Variants in ADGRB3 observed in about 807,000 individuals in gnomAD.
ADGRB3 encodes adhesion G protein-coupled receptor B3.
Under a neutral mutation model 193.4 loss-of-function variants are expected in ADGRB3, and 37 were observed. The ratio of observed to expected loss-of-function variants is 0.19; its 90% CI spans 0.15 to 0.25. ADGRB3 has a LOEUF of 0.25. Among genes scored for constraint, ADGRB3 ranks in the 10% least tolerant of loss-of-function variants. The pLI, the probability that ADGRB3 is intolerant of heterozygous loss-of-function variation, is 1.00. For missense variants in ADGRB3, 1,637 were observed against 1,852.9 expected (o/e 0.88, Z 2.14); for synonymous variants, 690 against 644.2 (o/e 1.07, Z -1.08).
At chr6:68,696,142 C>A (rs1765153706) in intron 3 of ADGRB3, among the ~76,000 whole-genome samples, 1 of 151,890 alleles carries the variant, frequency 6.6e-6, no homozygotes, top group Non-Finnish European at 1.5e-5. Flanking sequence ...CTTTTGTGAT[C>A]CGAATTAGCC....
At position 69,054,036 on chromosome 6, in the gene ADGRB3, T is replaced by G. The variant is rs185213724; in HGVS notation, c.2333+4690T>G. The stretch of plus-strand genomic sequence containing the variant: ...CGTTATCCTGTTAAGACATGAAAAA[T>G]GTAGTCCCTTAAAAAATGCATCTTA... On this transcript the variant is annotated intron_variant, in intron 15 of 31. Coordinates refer to ENST00000370598, the MANE Select transcript of ADGRB3 (RefSeq NM_001704.3). Among the ~76,000 whole-genome samples the G allele has an allele frequency of 3.1e-3, 468 of 152,182 alleles. 4 individuals are homozygous for G. The highest frequency in any genetic ancestry group is 0.011 in the African/African-American group (444 of 41,540).
At chr6:68,782,151 G>A (rs1289920816) in intron 3 of ADGRB3, among the ~76,000 whole-genome samples, 11 of 123,082 alleles carry the variant, frequency 8.9e-5, no homozygotes, top group African/African-American at 2.9e-4. Context: ...TCCCTGGTGT[G>A]TGATGTTCCC....
chr6:69,066,409 A>G (rs999151497), intron 16 of ADGRB3, among the ~76,000 whole-genome samples: 1 of 151,948 alleles, frequency 6.6e-6, no homozygotes, highest in African/African-American at 2.4e-5. Flanking sequence ...TAATAGTTAC[A>G]GTGAGTTATA....
At chr6:69,116,065 G>A (rs1347370059) in intron 17 of ADGRB3, among the ~76,000 whole-genome samples, 2 of 152,136 alleles carry the variant, frequency 1.3e-5, no homozygotes, top group Non-Finnish European at 2.9e-5. Flanking sequence ...AAATTTTTAG[G>A]GAAGACCAGC....
intron 17 of ADGRB3, among the ~76,000 whole-genome samples, chr6:69,224,369 A>G (rs1765962366): frequency 6.6e-6 from 1 of 152,142 alleles, no homozygotes; most frequent in Non-Finnish European, 1.5e-5. Context: ...TTTTAGTTAA[A>G]TAATTCTGCT....
At chr6:69,387,348 T>C (rs149003654) in intron 31 of ADGRB3, among the ~76,000 whole-genome samples, 2 of 152,156 alleles carry the variant, frequency 1.3e-5, no homozygotes, top group African/African-American at 4.8e-5. Flanking sequence ...AAGGCAGAGG[T>C]AGAGCTACAA....
intron 1 of ADGRB3, among the ~76,000 whole-genome samples, chr6:68,636,624 A>G (rs1767965073): frequency 6.6e-6 from 1 of 151,608 alleles, no homozygotes; most frequent in Admixed American, 6.6e-5. Flanking sequence ...ACAAAATAAG[A>G]CTGTGTACTC....
chr6:68,832,054 A>G (rs1767966474), intron 3 of ADGRB3, among the ~76,000 whole-genome samples: 1 of 152,162 alleles, frequency 6.6e-6, no homozygotes, highest in Non-Finnish European at 1.5e-5. Context: ...AGTTTAAATA[A>G]GACTACTTCA....
chr6:68,774,569 C>T (rs906941158), intron 3 of ADGRB3, among the ~76,000 whole-genome samples: 1 of 151,762 alleles, frequency 6.6e-6, no homozygotes, highest in Non-Finnish European at 1.5e-5. Context: ...TACAGGAAAC[C>T]TATTATGGAT....
intron 8 of ADGRB3, among the ~76,000 whole-genome samples, chr6:68,969,248 A>G (rs1171371744): frequency 1.3e-5 from 2 of 152,212 alleles, no homozygotes; most frequent in African/African-American, 2.4e-5. Context: ...CTGAGATATT[A>G]GGAAAGAGTT....
chr6:68,874,186 G>C (rs1582273478), intron 3 of ADGRB3, among the ~76,000 whole-genome samples: 1 of 152,152 alleles, frequency 6.6e-6, no homozygotes, highest in East Asian at 1.9e-4. Context: ...TATGATAAAT[G>C]CTACCATTTA....
intron 26 of ADGRB3, among the ~76,000 whole-genome samples, chr6:69,344,387 TC>T (rs1029586676): frequency 2.0e-5 from 3 of 152,154 alleles, no homozygotes; most frequent in African/African-American, 7.2e-5. Flanking sequence ...TTCTTCCCTC[TC>T]CCACTCGCAC....
At chr6:69,324,566 A>G (rs771259694) in intron 20 of ADGRB3, among the ~76,000 whole-genome samples, 14 of 152,210 alleles carry the variant, frequency 9.2e-5, no homozygotes, top group Non-Finnish European at 1.9e-4. Context: ...TTTCATAATT[A>G]TGTTTTAAAA....
At chr6:69,114,303 A>T (rs1400619300) in intron 17 of ADGRB3, among the ~76,000 whole-genome samples, 2 of 152,082 alleles carry the variant, frequency 1.3e-5, no homozygotes, top group African/African-American at 4.8e-5. Context: ...AAATTATACA[A>T]ATCTTTTGAG....
chr6:68,729,190 G>A (rs527576535), intron 3 of ADGRB3, among the ~76,000 whole-genome samples: 2 of 151,550 alleles, frequency 1.3e-5, no homozygotes, highest in South Asian at 4.1e-4. Context: ...CCCTTCTCTG[G>A]GCTGTGTGCT....
At chr6:69,113,897 T>C (rs1397580753) in intron 17 of ADGRB3, among the ~76,000 whole-genome samples, 2 of 152,192 alleles carry the variant, frequency 1.3e-5, no homozygotes, top group Non-Finnish European at 2.9e-5. Flanking sequence ...TGGCTGAGTT[T>C]ATACAGCATG....
At chr6:69,173,342 C>G (rs1775338930) in intron 17 of ADGRB3, among the ~76,000 whole-genome samples, 1 of 152,182 alleles carries the variant, frequency 6.6e-6, no homozygotes, top group South Asian at 2.1e-4. Flanking sequence ...CCAGCCAGGC[C>G]AGGCAAGTTA....
intron 17 of ADGRB3, among the ~76,000 whole-genome samples, chr6:69,153,907 G>C (rs1485046894): frequency 3.3e-5 from 5 of 152,022 alleles, no homozygotes; most frequent in African/African-American, 1.2e-4. Flanking sequence ...GCAGGAGAAT[G>C]GTGTGAACCC....
At chr6:69,362,440 G>A (rs1454739471) in intron 29 of ADGRB3, among the ~76,000 whole-genome samples, 1 of 151,814 alleles carries the variant, frequency 6.6e-6, no homozygotes, top group Non-Finnish European at 1.5e-5. Flanking sequence ...GTTCCCAGAG[G>A]CAATTGTTTC....
Sources: gnomAD v4.1 joint callset for allele counts (sites outside exome capture counted in the v4.1 genomes callset) on GRCh38, gnomAD v4.1.1 for gene constraint, MANE v1.5 for transcripts, NCBI Gene and HGNC (gene_info 2026-07-23, HGNC 2026-07-21) for gene names.